Variants in SDK1 observed in about 807,000 individuals in gnomAD.
SDK1 encodes sidekick cell adhesion molecule 1, also known as protein sidekick-1.
SDK1 carries 157 observed loss-of-function variants against 245.5 expected under a neutral mutation model. That is an observed-to-expected ratio of 0.64 (90% CI 0.56 to 0.73). SDK1 has a LOEUF of 0.73. Among genes scored for constraint, SDK1 ranks in the 30% least tolerant of loss-of-function variants. The pLI, the probability that SDK1 is intolerant of heterozygous loss-of-function variation, is 0.00. For missense variants in SDK1, 3,583 were observed against 3,002.3 expected (o/e 1.19, Z -4.52); for synonymous variants, 1,647 against 1,278.5 (o/e 1.29, Z -6.15).
intron 5 of SDK1, among the ~76,000 whole-genome samples, chr7:3,851,092 G>A (rs771193168): frequency 4.6e-5 from 7 of 152,024 alleles, no homozygotes; most frequent in Admixed American, 1.3e-4. Context: ...AATAAACCCC[G>A]TGCATGCATG....
chr7:4,097,514 G>A (rs1435817440), intron 22 of SDK1, among the ~76,000 whole-genome samples: 2 of 152,214 alleles, frequency 1.3e-5, no homozygotes, highest in African/African-American at 2.4e-5. Context: ...GACAGACATA[G>A]CCCCAGACAG....
At chr7:4,180,347 A>G (rs1782525695) in intron 35 of SDK1, among the ~76,000 whole-genome samples, 1 of 149,104 alleles carries the variant, frequency 6.7e-6, no homozygotes, top group South Asian at 2.1e-4. Flanking sequence ...CTCTATGCCC[A>G]GCACCCGGCT....
At chr7:3,937,862 G>C (rs139440999) in intron 5 of SDK1, among the ~76,000 whole-genome samples, 2 of 152,104 alleles carry the variant, frequency 1.3e-5, no homozygotes, top group African/African-American at 4.8e-5. Context: ...CTTTGAGACA[G>C]AGTCTCACTC....
intron 40 of SDK1, among the ~76,000 whole-genome samples, chr7:4,229,006 G>A (rs1341532794): frequency 1.3e-5 from 2 of 152,208 alleles, no homozygotes; most frequent in Non-Finnish European, 1.5e-5. Context: ...CCTCTCGAGT[G>A]TTGACTGAGA....
At chr7:3,812,803 A>C (rs1471419047) in intron 4 of SDK1, among the ~76,000 whole-genome samples, 2 of 152,194 alleles carry the variant, frequency 1.3e-5, no homozygotes, top group Non-Finnish European at 1.5e-5. Context: ...GCCTGAATGC[A>C]GTTGTGCTGA....
At chr7:3,727,989 G>A (rs1174329806) in intron 4 of SDK1, among the ~76,000 whole-genome samples, 1 of 152,104 alleles carries the variant, frequency 6.6e-6, no homozygotes, top group Non-Finnish European at 1.5e-5. Context: ...GCTCGTTCTT[G>A]ATGATCTTGA....
intron 1 of SDK1, among the ~76,000 whole-genome samples, chr7:3,490,284 T>A (rs1781828818): frequency 6.6e-6 from 1 of 152,248 alleles, no homozygotes. Context: ...ATAGTCCTTA[T>A]CACTGATACC....
chr7:3,354,666 T>C (rs911029362), intron 1 of SDK1, among the ~76,000 whole-genome samples: 15 of 152,216 alleles, frequency 9.9e-5, no homozygotes, highest in Non-Finnish European at 1.9e-4. Context: ...TTGTGTTTCA[T>C]TGGGAATTAA....
intron 13 of SDK1, among the ~76,000 whole-genome samples, chr7:3,975,525 C>T (rs973536358): frequency 8.5e-5 from 13 of 152,190 alleles, no homozygotes; most frequent in African/African-American, 3.1e-4. Flanking sequence ...ACTCATTGAT[C>T]CCTGAATCCC....
At chr7:3,937,322 T>C (rs149603427) in intron 5 of SDK1, among the ~76,000 whole-genome samples, 2 of 152,326 alleles carry the variant, frequency 1.3e-5, no homozygotes, top group East Asian at 3.9e-4. Context: ...CTCATGGTCA[T>C]GCGTTCCAGT....
chr7:3,998,638 G>T (rs1166066717), intron 14 of SDK1, among the ~76,000 whole-genome samples: 2 of 152,150 alleles, frequency 1.3e-5, no homozygotes, highest in Non-Finnish European at 2.9e-5. Context: ...TATGACTCTA[G>T]GTTCCCCAGC....
At chr7:3,444,554 T>A (rs1780291164) in intron 1 of SDK1, among the ~76,000 whole-genome samples, 1 of 152,188 alleles carries the variant, frequency 6.6e-6, no homozygotes, top group Admixed American at 6.5e-5. Context: ...TTTTCAAAAT[T>A]CTGTTTAAAA....
At chr7:3,704,624 C>T (rs966470602) in intron 4 of SDK1, among the ~76,000 whole-genome samples, 6 of 152,212 alleles carry the variant, frequency 3.9e-5, no homozygotes, top group African/African-American at 1.4e-4. Flanking sequence ...AATACTTTCC[C>T]CCATTCTGTA....
rs151071066 is a variant in SDK1 at position 3,780,797 on chromosome 7, T to C, written c.714-40653T>C. Among the ~76,000 whole-genome samples, 899 of 152,050 alleles carry C rather than the reference T, an allele frequency of 5.9e-3. 14 individuals carry two copies. Among genetic ancestry groups the C allele is most frequent in the African/African-American group, 0.02 (830 of 41,472 alleles). ...ATGCAGGGGCTAGTCTTGCTTGATC[T>C]AGAAAGTCAAGCAGCAGCACTACTC... is the stretch of plus-strand genomic sequence containing the variant. On this transcript the variant is annotated intron_variant, in intron 4 of 44. Coordinates refer to ENST00000404826, the MANE Select transcript of SDK1 (RefSeq NM_152744.4).
chr7:3,514,019 T>C (rs1454557581), intron 1 of SDK1, among the ~76,000 whole-genome samples: 1 of 152,196 alleles, frequency 6.6e-6, no homozygotes, highest in Non-Finnish European at 1.5e-5. Context: ...ATGTTCTCTT[T>C]ATTCAGTCCA....
Position 4,163,784 on chromosome 7 carries a change from G to A in SDK1, c.4800+1928G>A, listed in dbSNP as rs552062365. On this transcript the variant is annotated intron_variant, in intron 32 of 44. Transcript: ENST00000404826. ...CAGAGCCAGGCTGGGCTGTGGGTGG[G>A]GCCAGCCAGGGGGAGCTTGGGAGGG... 4.6e-5 allele frequency among the ~76,000 whole-genome samples: 7 copies of A among 152,316 alleles called. No homozygotes were observed. In the East Asian group the frequency reaches 1.2e-3, roughly 25 times the overall value.
At position 3,499,867 on chromosome 7, in the gene SDK1, A is replaced by T. The variant is rs150089862; in HGVS notation, c.299-119213A>T. On this transcript the variant is annotated intron_variant, in intron 1 of 44. Coordinates refer to ENST00000404826, the MANE Select transcript of SDK1 (RefSeq NM_152744.4). ...GGCTGTTTTGAGGGTCATGTGTCAC[A>T]TGTCTGACAGAAGTATGTTTGTAAG... Among the ~76,000 whole-genome samples, 311 of 152,296 alleles carry T rather than the reference A, an allele frequency of 2.0e-3. 2 individuals carry two copies. The highest frequency in any genetic ancestry group is 7.2e-3 in the African/African-American group (299 of 41,572).
intron 1 of SDK1, among the ~76,000 whole-genome samples, chr7:3,552,843 G>T (rs538467062): frequency 1.3e-5 from 2 of 152,320 alleles, no homozygotes; most frequent in Non-Finnish European, 2.9e-5. Flanking sequence ...AATAAATTCA[G>T]AAGTGGAAGG....
At chr7:4,150,208 CT>C (rs1562889436) in intron 30 of SDK1, among the ~76,000 whole-genome samples, 3 of 152,296 alleles carry the variant, frequency 2.0e-5, no homozygotes, top group African/African-American at 7.2e-5. Context: ...TGACCAGGCC[CT>C]CCTGGGGCCT....
Sources: allele counts gnomAD v4.1 joint callset (sites outside exome capture counted in the v4.1 genomes callset), GRCh38; gene constraint gnomAD v4.1.1; transcripts MANE v1.5; gene names NCBI Gene and HGNC (gene_info 2026-07-23, HGNC 2026-07-21).